Variants in NIBAN2 observed in about 807,000 individuals in gnomAD.
NIBAN2 encodes protein Niban 2.
NIBAN2 carries 36 observed loss-of-function variants against 81.8 expected under a neutral mutation model. That is an observed-to-expected ratio of 0.44 (90% CI 0.34 to 0.58). The LOEUF (loss-of-function observed/expected upper bound fraction) is 0.58, where lower values mean the gene tolerates loss of function less well. NIBAN2 is among the 20% of genes least tolerant of loss of function. The pLI, the probability that NIBAN2 is intolerant of heterozygous loss-of-function variation, is 0.02. For missense variants in NIBAN2, 897 were observed against 1,014.1 expected (o/e 0.88, Z 1.57); for synonymous variants, 445 against 441.6 (o/e 1.01, Z -0.10).
chr9:127,511,901 G>A (rs753780187), intron 8 of NIBAN2, among the ~76,000 whole-genome samples: 14 of 152,152 alleles, frequency 9.2e-5, no homozygotes, highest in Admixed American at 2.6e-4. Context: ...GAGATGCCAC[G>A]TCACCCCAGT....
chr9:127,510,588 C>T (rs1836719952), intron 8 of NIBAN2, among the ~76,000 whole-genome samples: 1 of 152,132 alleles, frequency 6.6e-6, no homozygotes, highest in South Asian at 2.1e-4. Flanking sequence ...AGGCGCGTGC[C>T]ACTGTGCCCA....
chr9:127,512,470 A>G (rs973025999), intron 8 of NIBAN2, among the ~76,000 whole-genome samples: 1 of 152,122 alleles, frequency 6.6e-6, no homozygotes, highest in Non-Finnish European at 1.5e-5. Context: ...TATTTTTAAT[A>G]GAGACGGGGT....
intron 1 of NIBAN2, among the ~76,000 whole-genome samples, chr9:127,534,965 T>C (rs1275937917): frequency 6.6e-6 from 1 of 152,198 alleles, no homozygotes; most frequent in African/African-American, 2.4e-5. Flanking sequence ...CGGCAGGTTT[T>C]ACGTATGTGA....
At chr9:127,513,525 A>G (rs1836772957) in intron 8 of NIBAN2, among the ~76,000 whole-genome samples, 1 of 152,220 alleles carries the variant, frequency 6.6e-6, no homozygotes, top group African/African-American at 2.4e-5. Flanking sequence ...AGGTTGCAGT[A>G]AAGAAGGTGG....
At position 127,567,584 on chromosome 9, in the gene NIBAN2, G is replaced by A. The variant is rs1446605353; in HGVS notation, c.55+1236C>T. 2.6e-5 allele frequency among the ~76,000 whole-genome samples: 4 copies of A among 152,200 alleles called. No individual in the cohort carries two copies. The East Asian group carries it at 7.7e-4, about 29-fold the overall frequency. ...TGGTGCCCAGCATGGGTGCGGCCCT[G>A]GAGACATGGAGTTAAAGGACACCTG... On this transcript the variant is annotated intron_variant, in intron 1 of 13. Transcript: ENST00000373312.
chr9:127,540,822 C>T (rs1001225766), intron 1 of NIBAN2, among the ~76,000 whole-genome samples: 6 of 152,254 alleles, frequency 3.9e-5, no homozygotes, highest in Non-Finnish European at 7.3e-5. Flanking sequence ...GTGCCAGACC[C>T]GTTCCTGGCT....
chr9:127,535,916 G>A (rs545444501), intron 1 of NIBAN2, among the ~76,000 whole-genome samples: 36 of 152,158 alleles, frequency 2.4e-4, no homozygotes, highest in Non-Finnish European at 4.7e-4. Context: ...GGCAGGCATC[G>A]GAGGGGGTAC....
In NIBAN2 at chr9:127,520,179, G is replaced by A. The variant is rs532855157; in HGVS notation, c.590-2238C>T. Among the ~76,000 whole-genome samples the A allele has an allele frequency of 6.0e-5, 9 of 151,204 alleles. 1 individual carries two copies. The South Asian group carries it at 1.3e-3, about 21-fold the overall frequency. Reference sequence around the variant, plus strand: ...CCACACCCCCCAAATTCATATGCTGGAGTCCTAACCCCCAGTACCCCAGAA... The same window carrying A: ...CCACACCCCCCAAATTCATATGCTGAAGTCCTAACCCCCAGTACCCCAGAA... On this transcript the variant is annotated intron_variant, in intron 5 of 13. Transcript: ENST00000373312.
chr9:127,566,648 G>A (rs1309536617), intron 1 of NIBAN2, among the ~76,000 whole-genome samples: 1 of 152,176 alleles, frequency 6.6e-6, no homozygotes, highest in Non-Finnish European at 1.5e-5. Flanking sequence ...TCAGAGCACT[G>A]TGGGAAGGGA....
At chr9:127,526,952 GT>G (rs11306781) in intron 3 of NIBAN2, among the ~76,000 whole-genome samples, 96,130 of 151,548 alleles carry the variant, frequency 0.63, 30,786 homozygotes, top group Non-Finnish European at 0.66. Context: ...GTGACAGTTG[GT>G]TTATGAGGGA....
At chr9:127,516,804 A>T in intron 8 of NIBAN2, 53 bp downstream of exon 8, 2 of 1,531,324 alleles carry the variant, frequency 1.3e-6, no homozygotes, top group Non-Finnish European at 1.8e-6. Context: ...AAATAAAAAG[A>T]AAGTCCACCT....
upstream of NIBAN2, among the ~76,000 whole-genome samples, chr9:127,570,774 C>T (rs1197632772): frequency 6.6e-6 from 1 of 152,186 alleles, no homozygotes; most frequent in Non-Finnish European, 1.5e-5. Flanking sequence ...CCTTTGAGGG[C>T]CGGGATGCAT....
intron 1 of NIBAN2, among the ~76,000 whole-genome samples, chr9:127,553,553 G>A (rs982000600): frequency 6.6e-6 from 1 of 152,230 alleles, no homozygotes; most frequent in Non-Finnish European, 1.5e-5. Flanking sequence ...GCTACAGATG[G>A]GTAAGGGAAA....
chr9:127,571,796 G>T (rs117318122), upstream of NIBAN2, among the ~76,000 whole-genome samples: 339 of 152,178 alleles, frequency 2.2e-3, no homozygotes, highest in Middle Eastern at 6.8e-3. Flanking sequence ...TCTGGGGCCA[G>T]TCCCTGACAA....
Position 127,531,790 on chromosome 9 carries a change from G to A in NIBAN2, c.56-12C>T, listed in dbSNP as rs746402587. The A allele has an allele frequency of 6.2e-7, 1 of 1,614,066 alleles. No individual in the cohort carries two copies. The highest frequency in any genetic ancestry group is 1.1e-5 in the South Asian group (1 of 91,082). On this transcript the variant is annotated splice_polypyrimidine_tract_variant and intron_variant, in intron 1 of 13. Transcript: ENST00000373312. The stretch of plus-strand genomic sequence containing the variant: ...CTTCCCGGTTTTTTCTGGAAGAGAA[G>A]GACAAGCAGGAGCTTGAGGTCCTCA...
At chr9:127,512,366 G>C (rs1471345007) in intron 8 of NIBAN2, among the ~76,000 whole-genome samples, 1 of 149,980 alleles carries the variant, frequency 6.7e-6, no homozygotes, top group Non-Finnish European at 1.5e-5. Context: ...GCTCACTGCA[G>C]CCTCTGCCTC....
At chr9:127,571,993 C>T (rs932879943), upstream of NIBAN2, among the ~76,000 whole-genome samples, 3 of 152,048 alleles carry the variant, frequency 2.0e-5, no homozygotes, top group Admixed American at 6.6e-5. Context: ...ATGCATCAAA[C>T]GGATGCATTT....
chr9:127,561,017 G>A (rs989098590), intron 1 of NIBAN2: 7 of 678,686 alleles, frequency 1.0e-5, no homozygotes, highest in East Asian at 1.4e-4. Flanking sequence ...CCAGGCTTAA[G>A]GCTTACAAGT....
chr9:127,557,357 A>G (rs918433313), intron 1 of NIBAN2, among the ~76,000 whole-genome samples: 6 of 152,176 alleles, frequency 3.9e-5, no homozygotes, highest in Admixed American at 1.3e-4. Context: ...ACCATGGGGG[A>G]AACTGAGGCT....
Sources: gnomAD v4.1 joint callset for allele counts (sites outside exome capture counted in the v4.1 genomes callset) on GRCh38, gnomAD v4.1.1 for gene constraint, MANE v1.5 for transcripts, NCBI Gene and HGNC (gene_info 2026-07-23, HGNC 2026-07-21) for gene names.